The following ZNF589 variants were observed in gnomAD, a reference collection of about 807,000 sequenced individuals.
ZNF589 encodes KRAB-zinc finger protein SZF1-1.
Under a neutral mutation model 13.6 loss-of-function variants are expected in ZNF589, and 17 were observed. That is an observed-to-expected ratio of 1.25 (90% CI 0.86 to 1.88). The LOEUF is 1.88. Ranked by LOEUF, ZNF589 falls within the 40% of genes most tolerant of loss-of-function variation. The pLI, the probability that ZNF589 is intolerant of heterozygous loss-of-function variation, is 0.00. For missense variants in ZNF589, 407 were observed against 434.0 expected (o/e 0.94, Z 0.55); for synonymous variants, 148 against 161.6 (o/e 0.92, Z 0.64).
chr3:48,269,288 T>G lies in ZNF589; in HGVS notation c.*502T>G. 1 of 1,547,016 alleles carries G rather than the reference T, an allele frequency of 6.5e-7. No homozygotes were observed. Among genetic ancestry groups the G allele is most frequent in the Admixed American group, 1.8e-5 (1 of 56,940 alleles). ...AGAAAAGCCTTATGTCTGCGGAGAG[T>G]GTGGGCGAGGCTTTATAGCTCAGTC... On this transcript the variant is annotated 3_prime_UTR_variant, in exon 4 of 4. Transcript: ENST00000354698.
chr3:48,269,066 C>A lies in ZNF589; in HGVS notation c.*280C>A. 3.1e-6 allele frequency: 2 copies of A among 653,906 alleles called. No individual in the cohort carries two copies. The highest frequency in any genetic ancestry group is 3.6e-5 in the South Asian group (2 of 55,456). 40.5% of individuals were successfully genotyped at this position (653,906 alleles called of 1,614,324 possible). A position where few individuals can be genotyped will look rare whatever the true frequency, so the allele number is the denominator to read the frequency against. The stretch of plus-strand genomic sequence containing the variant: ...GCGGGGATTTAGCCGGAGGATAGTC[C>A]TCAATGGACACTGGAGGACACACAC... On this transcript the variant is annotated 3_prime_UTR_variant, in exon 4 of 4. Coordinates refer to ENST00000354698, the MANE Select transcript of ZNF589 (RefSeq NM_016089.3).
chr3:48,252,223 G>C (rs907761609), intron 2 of ZNF589, among the ~76,000 whole-genome samples: 2 of 150,924 alleles, frequency 1.3e-5, no homozygotes, highest in African/African-American at 4.9e-5. Flanking sequence ...ACAGATTCTC[G>C]CTCTGTCTCC....
intron 2 of ZNF589, 39 bp from the exon 3 acceptor site, chr3:48,260,774 A>C: frequency 6.2e-7 from 1 of 1,613,414 alleles, no homozygotes; most frequent in Non-Finnish European, 8.5e-7. Context: ...GTGAATCTTA[A>C]TGGTGACTTG....
chr3:48,260,453 C>T (rs1029211410), intron 2 of ZNF589, among the ~76,000 whole-genome samples: 14 of 151,762 alleles, frequency 9.2e-5, no homozygotes, highest in African/African-American at 1.7e-4. Context: ...CTGTCACCCA[C>T]GCTGGAGTGC....
At chr3:48,262,409 T>G (rs1334026623) in intron 3 of ZNF589, among the ~76,000 whole-genome samples, 1 of 152,166 alleles carries the variant, frequency 6.6e-6, no homozygotes, top group Non-Finnish European at 1.5e-5. Context: ...CAGTCTGGTC[T>G]CGAACTCCTG....
At position 48,269,618 on chromosome 3, in the gene ZNF589, G is replaced by T. The variant is rs1250679230; in HGVS notation, c.*832G>T. The stretch of plus-strand genomic sequence containing the variant: ...CTCGGGGGAGAAGCCTTATGCATGC[G>T]TGGAGTGTGGGCAAAGCTTTAGGAG... On this transcript the variant is annotated 3_prime_UTR_variant, in exon 4 of 4. Transcript: ENST00000354698. 2 of 325,326 alleles carry T rather than the reference G, an allele frequency of 6.1e-6. No homozygotes were observed. Among genetic ancestry groups the T allele is most frequent in the East Asian group, 8.1e-5 (1 of 12,380 alleles). 20.2% of individuals were successfully genotyped at this position (325,326 alleles called of 1,614,324 possible). A position where few individuals can be genotyped will look rare whatever the true frequency, so the allele number is the denominator to read the frequency against.
At position 48,268,861 on chromosome 3, in the gene ZNF589, C is replaced by A; in HGVS notation, c.*75C>A. ...ATTCAGATGAGAAGCCTTTTGTTTGCAGAGAGTGTGGGCGAGGCTTTCGTG... is the reference window on the plus strand; with the variant it reads ...ATTCAGATGAGAAGCCTTTTGTTTGAAGAGAGTGTGGGCGAGGCTTTCGTG... On this transcript the variant is annotated 3_prime_UTR_variant, in exon 4 of 4. Transcript: ENST00000354698. 6.5e-7 allele frequency: 1 copy of A among 1,542,990 alleles called. No individual in the cohort carries two copies. The highest frequency in any genetic ancestry group is 2.3e-5 in the East Asian group (1 of 44,442).
intron 2 of ZNF589, among the ~76,000 whole-genome samples, chr3:48,256,110 G>A (rs2106840298): frequency 6.6e-6 from 1 of 151,820 alleles, no homozygotes; most frequent in East Asian, 1.9e-4. Context: ...TATGGCCCAA[G>A]CCCCACAGCA....
chr3:48,269,770 G>A lies in ZNF589; in HGVS notation c.*984G>A, dbSNP rs954258659. ...CACCAGCGGAAATGCTTAGGGAGAA[G>A]CCTTGTTTGTAAGGTAATGTGGACA... On this transcript the variant is annotated 3_prime_UTR_variant, in exon 4 of 4. Transcript: ENST00000354698. The A allele has an allele frequency of 2.9e-6, 1 of 342,784 alleles. No individual in the cohort carries two copies. The highest frequency in any genetic ancestry group is 2.4e-5 in the South Asian group (1 of 42,448). 21.2% of individuals were successfully genotyped at this position (342,784 alleles called of 1,614,324 possible). A position where few individuals can be genotyped will look rare whatever the true frequency, so the allele number is the denominator to read the frequency against.
chr3:48,253,498 CTTTTTTTT>C (rs59231973), intron 2 of ZNF589, among the ~76,000 whole-genome samples: 2 of 95,322 alleles, frequency 2.1e-5, no homozygotes, highest in Non-Finnish European at 4.2e-5. Context: ...TCATATTTTT[CTTTTTTTT>C]TTTTTTTTTT....
rs982423666 is a variant in ZNF589 at position 48,270,558 on chromosome 3, T to C, written c.*1772T>C. The C allele has an allele frequency of 3.1e-6, 1 of 322,466 alleles. No homozygotes were observed. The highest frequency in any genetic ancestry group is 2.2e-5 in the African/African-American group (1 of 46,404). The allele number at this position is 322,466 out of a possible 1,614,324, so 20.0% of individuals were successfully genotyped here. ...ATGGCCCAGGTTCTGACAGTTTGCCTTACTCCCTTGGGCTGGGGCTAGCCC... is the reference window on the plus strand; with the variant it reads ...ATGGCCCAGGTTCTGACAGTTTGCCCTACTCCCTTGGGCTGGGGCTAGCCC... On this transcript the variant is annotated 3_prime_UTR_variant, in exon 4 of 4. Coordinates refer to ENST00000354698, the MANE Select transcript of ZNF589 (RefSeq NM_016089.3).
chr3:48,259,537 A>G (rs2033945483), intron 2 of ZNF589, among the ~76,000 whole-genome samples: 1 of 152,176 alleles, frequency 6.6e-6, no homozygotes, highest in Non-Finnish European at 1.5e-5. Flanking sequence ...AAGGTGGACA[A>G]GAAGATTGAT....
chr3:48,267,984 G>A lies in ZNF589; in HGVS notation c.293G>A (p.Ser98Asn), dbSNP rs2034037717. Reference protein sequence around the residue: ...PLAFGSQQFLSQDELHNHPIP... With the variant: ...PLAFGSQQFLNQDELHNHPIP... ...GCCTTTGGCAGTCAGCAGTTCCTCA[G>A]CCAAGATGAGCTACACAATCATCCT... Residue 98 changes from serine (S) to asparagine (N), a missense_variant, in exon 4 of 4, where the codon AGC (serine) becomes AAC (asparagine). Transcript: ENST00000354698. The A allele has an allele frequency of 6.2e-7, 1 of 1,613,926 alleles. No individual in the cohort carries two copies. The highest frequency in any genetic ancestry group is 8.5e-7 in the Non-Finnish European group (1 of 1,180,048).
intron 1 of ZNF589, 132 bp from the exon 2 acceptor site, chr3:48,247,493 T>C (rs1399786488): frequency 1.3e-6 from 1 of 793,996 alleles, no homozygotes; most frequent in Non-Finnish European, 2.1e-6. Flanking sequence ...AGGCAGGAGG[T>C]GAGAGGAGCT....
chr3:48,260,032 G>A (rs2033953716), intron 2 of ZNF589, among the ~76,000 whole-genome samples: 1 of 152,142 alleles, frequency 6.6e-6, no homozygotes, highest in African/African-American at 2.4e-5. Flanking sequence ...GTTGATTGGT[G>A]ACTCCCTTGG....
intron 3 of ZNF589, among the ~76,000 whole-genome samples, chr3:48,263,410 CCTTT>C (rs897122769): frequency 2.6e-5 from 4 of 152,180 alleles, no homozygotes; most frequent in African/African-American, 9.6e-5. Context: ...ACGCCCGGCT[CCTTT>C]CTTTTTTATG....
intron 2 of ZNF589, among the ~76,000 whole-genome samples, chr3:48,257,737 TA>T (rs1291481625): frequency 6.6e-6 from 1 of 152,190 alleles, no homozygotes. Flanking sequence ...TTTTTGTTTT[TA>T]ATAAAGTGTG....
At chr3:48,257,084 G>A in intron 2 of ZNF589, 4 of 476,784 alleles carry the variant, frequency 8.4e-6, no homozygotes, top group South Asian at 4.7e-5. Flanking sequence ...AGGGGGTATT[G>A]TATCTCTGTG....
intron 3 of ZNF589, among the ~76,000 whole-genome samples, chr3:48,263,766 A>G (rs1349460228): frequency 6.6e-6 from 1 of 152,202 alleles, no homozygotes; most frequent in African/African-American, 2.4e-5. Flanking sequence ...CTTGGAGAGA[A>G]AAAAAACACA....
Sources: gnomAD v4.1 joint callset for allele counts (sites outside exome capture counted in the v4.1 genomes callset) on GRCh38, gnomAD v4.1.1 for gene constraint, MANE v1.5 for transcripts, NCBI Gene and HGNC (gene_info 2026-07-23, HGNC 2026-07-21) for gene names.